Variants in HS6ST2 observed in about 807,000 individuals in gnomAD.
HS6ST2 encodes the protein heparan sulfate 6-O-sulfotransferase 2, also known as heparan-sulfate 6-O-sulfotransferase 2.
In HS6ST2, 17 loss-of-function variants were observed where a neutral mutation model predicts 33.0. That is an observed-to-expected ratio of 0.52 (90% CI 0.35 to 0.77). The LOEUF (loss-of-function observed/expected upper bound fraction) is 0.77. Among genes scored for constraint, HS6ST2 ranks in the 30% least tolerant of loss-of-function variants. HS6ST2 has a pLI of 0.01. For synonymous variants in HS6ST2, 248 were observed against 237.1 expected, an observed-to-expected ratio of 1.05 and a Z score of -0.42; for missense variants, 519 against 551.7, an observed-to-expected ratio of 0.94 and a Z score of 0.59.
At chrX:132,741,349 G>C (rs1278324956) in intron 2 of HS6ST2, among the ~76,000 whole-genome samples, 14 of 108,297 alleles carry the variant, frequency 1.3e-4, no homozygotes, top group African/African-American at 4.7e-4. Context: ...GCCCAAGCTG[G>C]AGTACAGTGG....
rs1364622276 is a variant in HS6ST2 at position 132,626,897 on chromosome X, G to A, written c.*1326C>T. The A allele has an allele frequency of 8.9e-6, 1 of 112,209 alleles. No homozygotes were observed. The highest frequency in any genetic ancestry group is 1.9e-5 in the Non-Finnish European group (1 of 53,220). The allele number at this position is 112,209 out of a possible 1,213,427, so 9.2% of individuals were successfully genotyped here. Reference sequence around the variant, plus strand: ...CCAAATTACTCTGCTCAACTCATATGTTCCTGATATGTAACCTCACTACAG... The same window carrying A: ...CCAAATTACTCTGCTCAACTCATATATTCCTGATATGTAACCTCACTACAG... On this transcript the variant is annotated 3_prime_UTR_variant, in exon 5 of 5. Coordinates refer to ENST00000370833, the MANE Select transcript of HS6ST2 (RefSeq NM_001394073.1).
intron 2 of HS6ST2, among the ~76,000 whole-genome samples, chrX:132,843,725 G>T (rs976335056): frequency 1.8e-5 from 2 of 111,421 alleles, no homozygotes; most frequent in Non-Finnish European, 3.8e-5. Flanking sequence ...CCCGAAATGC[G>T]ATCTTCAATT....
At chrX:132,703,066 G>A (rs1008322228) in intron 3 of HS6ST2, among the ~76,000 whole-genome samples, 2 of 112,313 alleles carry the variant, frequency 1.8e-5, no homozygotes, top group Middle Eastern at 4.6e-3. Flanking sequence ...CTCACGCAAG[G>A]CAAAGGAAAT....
At chrX:132,696,895 C>T (rs1382804557) in intron 3 of HS6ST2, among the ~76,000 whole-genome samples, 2 of 111,455 alleles carry the variant, frequency 1.8e-5, no homozygotes, top group Non-Finnish European at 3.8e-5. Flanking sequence ...ACAAGTTGAC[C>T]CTTACCTTAG....
At chrX:132,718,230 A>T (rs1342898348) in intron 2 of HS6ST2, among the ~76,000 whole-genome samples, 2 of 111,351 alleles carry the variant, frequency 1.8e-5, no homozygotes, top group African/African-American at 6.5e-5. Flanking sequence ...TAAGTGGTAG[A>T]GTCTGGATTC....
chrX:132,767,003 C>T (rs746629368), intron 2 of HS6ST2, among the ~76,000 whole-genome samples: 7 of 111,793 alleles, frequency 6.3e-5, no homozygotes, highest in African/African-American at 2.3e-4. Flanking sequence ...GATTGGAACT[C>T]GATTATCTGA....
Position 132,882,251 on chromosome X carries a change from C to T in HS6ST2, c.947+74557G>A, listed in dbSNP as rs1639887591. On this transcript the variant is annotated intron_variant, in intron 2 of 4. Coordinates refer to ENST00000370833, the MANE Select transcript of HS6ST2 (RefSeq NM_001394073.1). ...TTTTCACAATATTGATTCTTCCTAT[C>T]CATGAGCATAGAATGCTCTTCCATT... is the stretch of plus-strand genomic sequence containing the variant. Among the ~76,000 whole-genome samples the T allele has an allele frequency of 3.6e-5, 4 of 111,856 alleles. No homozygotes were observed. The South Asian group carries it at 1.5e-3, about 42-fold the overall frequency.
chrX:132,942,439 T>C (rs1038124881), intron 2 of HS6ST2, among the ~76,000 whole-genome samples: 2 of 112,352 alleles, frequency 1.8e-5, no homozygotes, highest in Non-Finnish European at 3.8e-5. Context: ...CACTTTTTTA[T>C]GGCCTTCAGC....
chrX:132,699,351 C>G (rs1315769750), intron 3 of HS6ST2, among the ~76,000 whole-genome samples: 2 of 111,568 alleles, frequency 1.8e-5, no homozygotes, highest in African/African-American at 6.5e-5. Flanking sequence ...TTTATTTATA[C>G]ATATTTTGAT....
intron 4 of HS6ST2, among the ~76,000 whole-genome samples, chrX:132,655,760 G>T (rs1411219720): frequency 9.0e-6 from 1 of 111,146 alleles, no homozygotes; most frequent in East Asian, 2.8e-4. Flanking sequence ...ATAATATAAA[G>T]AGACAATTTA....
chrX:132,685,582 G>A (rs1029525466), intron 3 of HS6ST2, among the ~76,000 whole-genome samples: 4 of 111,468 alleles, frequency 3.6e-5, no homozygotes, highest in African/African-American at 9.8e-5. Context: ...TACTGCTGGC[G>A]TTCACATTTC....
chrX:132,864,744 G>A (rs963820414), intron 2 of HS6ST2, among the ~76,000 whole-genome samples: 1 of 110,081 alleles, frequency 9.1e-6, no homozygotes, highest in Non-Finnish European at 1.9e-5. Context: ...TTCAAATTGA[G>A]GAAATACAGA....
At chrX:132,674,179 A>G (rs2063907216) in intron 3 of HS6ST2, among the ~76,000 whole-genome samples, 1 of 111,618 alleles carries the variant, frequency 9.0e-6, no homozygotes, top group African/African-American at 3.3e-5. Context: ...CCCTTTGCCT[A>G]ACTATGGATA....
chrX:132,952,354 C>G (rs1382806467), intron 2 of HS6ST2, among the ~76,000 whole-genome samples: 3 of 71,544 alleles, frequency 4.2e-5, no homozygotes, highest in Non-Finnish European at 8.1e-5. Context: ...GTATCCTCAG[C>G]TAAGTAAAAC....
At chrX:132,886,850 G>C (rs2066257886) in intron 2 of HS6ST2, among the ~76,000 whole-genome samples, 1 of 111,387 alleles carries the variant, frequency 9.0e-6, no homozygotes, top group African/African-American at 3.3e-5. Context: ...AAAATGCTGA[G>C]AGGGCCAGGC....
chrX:132,726,122 T>G, intron 2 of HS6ST2, among the ~76,000 whole-genome samples: 1 of 104,041 alleles, frequency 9.6e-6, no homozygotes, highest in Non-Finnish European at 2.0e-5. Flanking sequence ...GTGACTATAG[T>G]CAATAATAAT....
chrX:132,799,282 G>A (rs907900175), intron 2 of HS6ST2, among the ~76,000 whole-genome samples: 1 of 110,790 alleles, frequency 9.0e-6, no homozygotes, highest in Non-Finnish European at 1.9e-5. Context: ...TCCCATGTAA[G>A]CCCCTAAATC....
At chrX:132,848,973 T>C (rs1201744283) in intron 2 of HS6ST2, among the ~76,000 whole-genome samples, 2 of 111,176 alleles carry the variant, frequency 1.8e-5, no homozygotes, top group Non-Finnish European at 3.8e-5. Flanking sequence ...GTAAAAAAAA[T>C]TGGGTGTGCA....
At chrX:132,922,931 C>T (rs2066668307) in intron 2 of HS6ST2, among the ~76,000 whole-genome samples, 1 of 109,891 alleles carries the variant, frequency 9.1e-6, no homozygotes, top group Non-Finnish European at 1.9e-5. Flanking sequence ...GGCGTGGTAG[C>T]ACACACCTTT....
Sources: allele counts gnomAD v4.1 joint callset (sites outside exome capture counted in the v4.1 genomes callset), GRCh38; gene constraint gnomAD v4.1.1; transcripts MANE v1.5; gene names NCBI Gene and HGNC (gene_info 2026-07-23, HGNC 2026-07-21).